Variants in TEX9 observed in about 807,000 individuals in gnomAD.
The protein encoded by TEX9 is testis expressed 9, also known as testis-expressed protein 9.
Under a neutral mutation model 59.6 loss-of-function variants are expected in TEX9, and 74 were observed. The observed-to-expected ratio is 1.24, with a 90% CI of 1.03 to 1.51. TEX9 has a LOEUF of 1.51. TEX9 is among the 40% of genes most tolerant of loss of function. TEX9 has a pLI of 0.00. For synonymous variants in TEX9, 186 were observed against 152.2 expected (o/e 1.22, Z -1.64); for missense variants, 522 against 447.8 (o/e 1.17, Z -1.49).
At chr15:56,421,259 T>G (rs2049964416) in intron 10 of TEX9, among the ~76,000 whole-genome samples, 1 of 151,878 alleles carries the variant, frequency 6.6e-6, no homozygotes, top group South Asian at 2.1e-4. Context: ...CTAAGAAGAT[T>G]GTTAAATCCT....
intron 1 of TEX9, among the ~76,000 whole-genome samples, chr15:56,279,577 C>A (rs1343455255): frequency 1.3e-5 from 2 of 152,194 alleles, no homozygotes; most frequent in South Asian, 4.2e-4. Context: ...ACCTTTACTT[C>A]CATAGAGAAA....
At position 56,423,513 on chromosome 15, in the gene TEX9, T is replaced by A. The variant is rs375320654; in HGVS notation, c.964-4092T>A. On this transcript the variant is annotated intron_variant, in intron 10 of 12. Coordinates refer to ENST00000352903, the Ensembl canonical transcript of TEX9. ...AAACTGTATTCTCTTATTTTTTTCGTTAACATCTTATTGAGATACAATTCA... is the reference window on the plus strand; with the variant it reads ...AAACTGTATTCTCTTATTTTTTTCGATAACATCTTATTGAGATACAATTCA... Among the ~76,000 whole-genome samples, 28 of 152,264 alleles carry A rather than the reference T, an allele frequency of 1.8e-4. 1 individual carries two copies. In the South Asian group the frequency reaches 4.4e-3, roughly 24 times the overall value.
In TEX9 at chr15:56,430,915, C is replaced by CT. The variant is rs535632228; in HGVS notation, c.*29+2444dup. Among the ~76,000 whole-genome samples, 39 of 152,292 alleles carry CT rather than the reference C, an allele frequency of 2.6e-4. No individual in the cohort carries two copies. In the East Asian group the frequency reaches 6.2e-3, roughly 24 times the overall value. ...GCCAGGTGTGGTGGCCCACCCAGCA[C>CT]TTGGGGAGGCTGAGGCAGATGGATC... On this transcript the variant is annotated intron_variant, in intron 12 of 12. Coordinates refer to ENST00000352903, the Ensembl canonical transcript of TEX9.
At chr15:56,305,383 C>A (rs1354425491) in intron 1 of TEX9, among the ~76,000 whole-genome samples, 1 of 152,144 alleles carries the variant, frequency 6.6e-6, no homozygotes, top group Non-Finnish European at 1.5e-5. Flanking sequence ...AATTATATTA[C>A]AGAGCTATTG....
intron 1 of TEX9, among the ~76,000 whole-genome samples, chr15:56,314,504 G>T (rs1418789971): frequency 7.1e-6 from 1 of 141,092 alleles, no homozygotes; most frequent in Non-Finnish European, 1.5e-5. Flanking sequence ...ATTGCACTGT[G>T]GTCTGAGAGA....
In TEX9 at chr15:56,402,393, T is replaced by G. The variant is rs555416327; in HGVS notation, c.828+7559T>G. On this transcript the variant is annotated intron_variant, in intron 9 of 12. Coordinates refer to ENST00000352903, the Ensembl canonical transcript of TEX9. Reference sequence around the variant, plus strand: ...GATAAACTAGAAAATCTAGAAGAAATGGATGAATTCCTGGACACATACACC... The same window carrying G: ...GATAAACTAGAAAATCTAGAAGAAAGGGATGAATTCCTGGACACATACACC... Among the ~76,000 whole-genome samples the G allele has an allele frequency of 8.5e-5, 13 of 152,184 alleles. No individual in the cohort carries two copies. In the South Asian group the frequency reaches 2.7e-3, roughly 32 times the overall value.
intron 9 of TEX9, among the ~76,000 whole-genome samples, chr15:56,406,042 C>A (rs1443351329): frequency 6.6e-6 from 1 of 151,992 alleles, no homozygotes. Flanking sequence ...TAACTACTAC[C>A]ATAATCAAGA....
At chr15:56,446,657 A>G (rs1341815783), downstream of TEX9, among the ~76,000 whole-genome samples, 2 of 152,056 alleles carry the variant, frequency 1.3e-5, no homozygotes, top group African/African-American at 4.8e-5. Context: ...TGTTTCTGAA[A>G]GGCTCTAATA....
intron 1 of TEX9, among the ~76,000 whole-genome samples, chr15:56,326,560 GAC>G (rs2046024053): frequency 1.3e-5 from 2 of 152,232 alleles, no homozygotes; most frequent in African/African-American, 2.4e-5. Context: ...AAGCAGATGA[GAC>G]AAGGATTTGA....
intron 1 of TEX9, among the ~76,000 whole-genome samples, chr15:56,348,692 T>C (rs1207062479): frequency 6.6e-6 from 1 of 152,128 alleles, no homozygotes; most frequent in East Asian, 1.9e-4. Context: ...TTTTCAGAAA[T>C]ACGACTATGG....
intron 2 of TEX9, among the ~76,000 whole-genome samples, chr15:56,371,323 A>G (rs1219182499): frequency 6.6e-6 from 1 of 152,080 alleles, no homozygotes; most frequent in Non-Finnish European, 1.5e-5. Flanking sequence ...ATGCTGTTCA[A>G]CATATCTGTC....
At chr15:56,426,286 G>A (rs2050238450) in intron 10 of TEX9, among the ~76,000 whole-genome samples, 1 of 151,968 alleles carries the variant, frequency 6.6e-6, no homozygotes, top group Non-Finnish European at 1.5e-5. Flanking sequence ...GGAAGAACTG[G>A]GAATTGGGTG....
At chr15:56,306,257 CAAA>C (rs55882329) in intron 1 of TEX9, among the ~76,000 whole-genome samples, 97 of 79,414 alleles carry the variant, frequency 1.2e-3, no homozygotes, top group Admixed American at 6.0e-3. Context: ...AGGTACATAG[CAAA>C]AAAAAAAAAA....
chr15:56,435,027 T>C (rs1253732340), intron 12 of TEX9, among the ~76,000 whole-genome samples: 1 of 152,060 alleles, frequency 6.6e-6, no homozygotes, highest in Non-Finnish European at 1.5e-5. Flanking sequence ...AAATATAATT[T>C]TACAATGGTC....
chr15:56,451,607 T>C, the TEX9 span, among the ~76,000 whole-genome samples: 1 of 152,318 alleles, frequency 6.6e-6, no homozygotes, highest in South Asian at 2.1e-4. Flanking sequence ...TTTTCATTAT[T>C]ATTCAGTTAA....
At chr15:56,431,656 A>G (rs1240493722) in intron 12 of TEX9, among the ~76,000 whole-genome samples, 1 of 151,958 alleles carries the variant, frequency 6.6e-6, no homozygotes, top group Non-Finnish European at 1.5e-5. Context: ...TAAAATATAT[A>G]TTTTATGTCT....
At chr15:56,286,837 A>G (rs2044964804) in intron 1 of TEX9, among the ~76,000 whole-genome samples, 1 of 151,710 alleles carries the variant, frequency 6.6e-6, no homozygotes, top group Non-Finnish European at 1.5e-5. Context: ...GTTGCATCCA[A>G]GTGCTTACTA....
At chr15:56,444,498 T>C in intron 12 of TEX9, 1 of 1,611,154 alleles carries the variant, frequency 6.2e-7, no homozygotes, top group Non-Finnish European at 8.5e-7. Flanking sequence ...GAGTTTCTCT[T>C]TTAGCAGCTG....
chr15:56,389,437 G>C, intron 6 of TEX9, 37 bp downstream of exon 6: 1 of 1,448,248 alleles, frequency 6.9e-7, no homozygotes, highest in East Asian at 2.3e-5. Context: ...TTTTTTTTTA[G>C]TTTTGTAATT....
Sources: gnomAD v4.1 joint callset for allele counts (sites outside exome capture counted in the v4.1 genomes callset) on GRCh38, gnomAD v4.1.1 for gene constraint, MANE v1.5 for transcripts, NCBI Gene and HGNC (gene_info 2026-07-23, HGNC 2026-07-21) for gene names.